Variants in TLE1 observed in about 807,000 individuals in gnomAD.
TLE1 encodes transducin-like enhancer protein 1.
A neutral mutation model predicts 89.8 loss-of-function variants in TLE1; 21 were observed. The observed-to-expected ratio is 0.23, with a 90% CI of 0.17 to 0.34. TLE1 has a LOEUF of 0.34. Ranked by LOEUF, TLE1 falls within the 10% of genes least tolerant of loss-of-function variation. The pLI, the probability that TLE1 is intolerant of heterozygous loss-of-function variation, is 1.00. For missense variants in TLE1, 795 were observed against 1,031.2 expected (o/e 0.77, Z 3.14); for synonymous variants, 447 against 407.6 (o/e 1.10, Z -1.16).
rs1834760094 is a variant in TLE1 at position 81,689,516 on chromosome 9, C to CCGCCGCCCGCGCCTCTCG, written c.-1294_-1277dup. On this transcript the variant is annotated 5_prime_UTR_variant, in exon 1 of 20. Coordinates refer to ENST00000376499, the MANE Select transcript of TLE1 (RefSeq NM_005077.5). ...TCTGCAGCCGCCGCTCCCACCGCCG[C>CCGCCGCCCGCGCCTCTCG]CGCCGCCCGCGCCTCTCGCGCCGCT... is the stretch of plus-strand genomic sequence containing the variant. Among the ~76,000 whole-genome samples, 1 of 152,184 alleles carries CCGCCGCCCGCGCCTCTCG rather than the reference C, an allele frequency of 6.6e-6. No individual in the cohort carries two copies.
At chr9:81,645,508 AGATG>A (rs1828746597) in intron 6 of TLE1, among the ~76,000 whole-genome samples, 1 of 152,132 alleles carries the variant, frequency 6.6e-6, no homozygotes, top group Admixed American at 6.5e-5. Flanking sequence ...TGAGAGGCCG[AGATG>A]GGTGGATCCC....
At chr9:81,599,557 A>G (rs1830649582) in intron 14 of TLE1, among the ~76,000 whole-genome samples, 1 of 152,166 alleles carries the variant, frequency 6.6e-6, no homozygotes, top group Admixed American at 6.5e-5. Flanking sequence ...GGTGGCTGGG[A>G]GGAATAGTGA....
At chr9:81,657,022 C>A (rs1207349921) in intron 4 of TLE1, among the ~76,000 whole-genome samples, 4 of 152,160 alleles carry the variant, frequency 2.6e-5, no homozygotes, top group Admixed American at 2.6e-4. Context: ...TGTTGACCTT[C>A]CTTTAATCTT....
rs1288230840 is a variant in TLE1 at position 81,654,074 on chromosome 9, C to G, written c.235-38G>C. Reference sequence around the variant, plus strand: ...AGCCACACAAATGTTTAGAATACTTCACAATCAGTTCAGAAAGGTAAAACT... The same window carrying G: ...AGCCACACAAATGTTTAGAATACTTGACAATCAGTTCAGAAAGGTAAAACT... On this transcript the variant is annotated intron_variant, in intron 4 of 19. Transcript: ENST00000376499. 12 of 1,602,998 alleles carry G rather than the reference C, an allele frequency of 7.5e-6. No individual in the cohort carries two copies. In the Admixed American group the frequency reaches 1.7e-4, roughly 22 times the overall value.
At chr9:81,655,910 CA>C (rs1247345252) in intron 4 of TLE1, among the ~76,000 whole-genome samples, 3 of 150,926 alleles carry the variant, frequency 2.0e-5, no homozygotes, top group African/African-American at 7.3e-5. Flanking sequence ...TACAATCAAG[CA>C]TATAAAAAAC....
Position 81,688,534 on chromosome 9 carries a change from G to A in TLE1, c.-294C>T, listed in dbSNP as rs569499408. The A allele has an allele frequency of 1.8e-5, 6 of 338,952 alleles. No homozygotes were observed. The highest frequency in any genetic ancestry group is 8.0e-4 in the Middle Eastern group (1 of 1,256). 21.0% of individuals were successfully genotyped at this position (338,952 alleles called of 1,614,324 possible). A position where few individuals can be genotyped will look rare whatever the true frequency, so the allele number is the denominator to read the frequency against. Reference sequence around the variant, plus strand: ...CGGGCGCTCGGGGACTGTGCGCGGGGGCAGCGCTCCAACCCCCGGCCTCAG... The same window carrying A: ...CGGGCGCTCGGGGACTGTGCGCGGGAGCAGCGCTCCAACCCCCGGCCTCAG... On this transcript the variant is annotated 5_prime_UTR_variant, in exon 1 of 20. Transcript: ENST00000376499.
At chr9:81,587,563 G>A in intron 17 of TLE1, 118 bp downstream of exon 17, 1 of 1,328,402 alleles carries the variant, frequency 7.5e-7, no homozygotes, top group Non-Finnish European at 9.9e-7. Flanking sequence ...CTCAAATTCA[G>A]CCCTGATCTG....
rs1829383002 is a variant in TLE1 at position 81,590,844 on chromosome 9, T to C, written c.1790A>G (p.Asn597Ser). 2 of 1,614,212 alleles carry C rather than the reference T, an allele frequency of 1.2e-6. No individual in the cohort carries two copies. Among genetic ancestry groups the C allele is most frequent in the Non-Finnish European group, 1.7e-6 (2 of 1,180,028 alleles). Reference protein sequence around the residue: ...KVCFSCCSDGNIAVWDLHNQT... With the variant: ...KVCFSCCSDGSIAVWDLHNQT... The stretch of plus-strand genomic sequence containing the variant: ...GTTGTGCAGATCCCACACAGCGATG[T>C]TGCCGTCGCTGCAGCATGAGAAGCA... Residue 597 changes from asparagine (N) to serine (S), a missense_variant, in exon 16 of 20, where the codon AAC becomes AGC. Physicochemically the swap from Asn to Ser is conservative, Grantham distance 46 (BLOSUM62 1). Transcript: ENST00000376499.
rs545336304 is a variant in TLE1 at position 81,682,534 on chromosome 9, G to A, written c.234+3142C>T. Among the ~76,000 whole-genome samples the A allele has an allele frequency of 7.2e-5, 11 of 152,216 alleles. 1 individual carries two copies. The highest frequency in any genetic ancestry group is 2.6e-4 in the African/African-American group (11 of 41,526). On this transcript the variant is annotated intron_variant, in intron 4 of 19. Coordinates refer to ENST00000376499, the MANE Select transcript of TLE1 (RefSeq NM_005077.5). ...GCATGCTGAAAAGATAACATGAGTGGGCTAAAATAAGGTTTATGTGTGCAT... is the reference window on the plus strand; with the variant it reads ...GCATGCTGAAAAGATAACATGAGTGAGCTAAAATAAGGTTTATGTGTGCAT...
chr9:81,626,392 T>C (rs1371445780), intron 8 of TLE1, among the ~76,000 whole-genome samples: 2 of 152,184 alleles, frequency 1.3e-5, no homozygotes, highest in South Asian at 4.1e-4. Flanking sequence ...CTGGTGTCAA[T>C]CAAGCCATCA....
chr9:81,616,057 C>T lies in TLE1; in HGVS notation c.843G>A (p.Lys281=), dbSNP rs61733322. 741 of 1,614,118 alleles carry T rather than the reference C, an allele frequency of 4.6e-4. No individual in the cohort carries two copies. The highest frequency in any genetic ancestry group is 5.8e-4 in the Non-Finnish European group (688 of 1,180,028). ...TGGAAGCTGGACTGCTAGAAGCATC[C>T]TTCTTTAGCAGGCGATTTTTGTCGA... is the stretch of plus-strand genomic sequence containing the variant. ...NGIDKNRLLK[K]DASSSPASTA... The change falls in exon 11 of 20, where the codon AAG becomes AAA. Residue 281 remains lysine, a synonymous_variant. Coordinates refer to ENST00000376499, the MANE Select transcript of TLE1 (RefSeq NM_005077.5).
intron 14 of TLE1, among the ~76,000 whole-genome samples, chr9:81,595,257 T>C (rs1445881174): frequency 6.6e-6 from 1 of 152,216 alleles, no homozygotes; most frequent in Non-Finnish European, 1.5e-5. Context: ...ACATTATAGT[T>C]AGTTGAACAG....
intron 12 of TLE1, chr9:81,612,450 C>T (rs900386532): frequency 3.0e-5 from 25 of 823,872 alleles, no homozygotes; most frequent in Non-Finnish European, 2.9e-5. Flanking sequence ...TGCCTATTTT[C>T]CTTTGGGCCC....
At chr9:81,610,377 TCA>T (rs1823545359) in intron 13 of TLE1, 81 bp from the exon 14 acceptor site, 1 of 1,030,274 alleles carries the variant, frequency 9.7e-7, no homozygotes, top group Non-Finnish European at 1.5e-6. Context: ...CATTAGAAAC[TCA>T]CAGATCCCCA....
rs764167489 is a variant in TLE1, at chr9:81,593,157, G to A, written c.1449C>T (p.His483=). ...TGGTCACAGCGCACACCACCTCCCC[G>A]TGGTTGAGGGTGTTGATCTGGCGAG... The part of the protein sequence containing the change: ...RHARQINTLN[H]GEVVCAVTIS... Residue 483 remains histidine (H), a synonymous_variant, in exon 15 of 20, where the codon CAC becomes CAT. Transcript: ENST00000376499. The A allele has an allele frequency of 9.1e-5, 147 of 1,614,066 alleles. No individual in the cohort carries two copies. The highest frequency in any genetic ancestry group is 3.7e-4 in the South Asian group (34 of 91,086).
At chr9:81,624,976 G>C (rs550048684) in intron 8 of TLE1, among the ~76,000 whole-genome samples, 1 of 152,152 alleles carries the variant, frequency 6.6e-6, no homozygotes, top group South Asian at 2.1e-4. Flanking sequence ...ACAGGGTCAA[G>C]TACCCTGTAC....
At chr9:81,675,115 C>T (rs1832715702) in intron 4 of TLE1, among the ~76,000 whole-genome samples, 1 of 152,124 alleles carries the variant, frequency 6.6e-6, no homozygotes, top group African/African-American at 2.4e-5. Context: ...TTCCAAATTC[C>T]CCATATTATT....
At chr9:81,634,658 G>C (rs1026606273) in intron 6 of TLE1, among the ~76,000 whole-genome samples, 1 of 152,112 alleles carries the variant, frequency 6.6e-6, no homozygotes, top group African/African-American at 2.4e-5. Flanking sequence ...ACATGAGCTA[G>C]TTCTGTCTTT....
intron 6 of TLE1, among the ~76,000 whole-genome samples, chr9:81,636,007 T>C (rs1444441273): frequency 6.6e-6 from 1 of 152,028 alleles, no homozygotes; most frequent in Non-Finnish European, 1.5e-5. Context: ...TAAAAATAAA[T>C]AAATAAAAAT....
Sources: allele counts gnomAD v4.1 joint callset (sites outside exome capture counted in the v4.1 genomes callset), GRCh38; gene constraint gnomAD v4.1.1; transcripts MANE v1.5; gene names NCBI Gene and HGNC (gene_info 2026-07-23, HGNC 2026-07-21).